PTPRT: variants seen among roughly 807,000 people sequenced by gnomAD.
The protein encoded by PTPRT is receptor-type tyrosine-protein phosphatase T.
A neutral mutation model predicts 176.8 loss-of-function variants in PTPRT; 56 were observed. The ratio of observed to expected loss-of-function variants is 0.32; its 90% CI spans 0.26 to 0.40. The LOEUF is 0.40. Ranked by LOEUF, PTPRT falls within the 10% of genes least tolerant of loss-of-function variation. PTPRT has a pLI of 1.00. For missense variants in PTPRT, 1,540 were observed against 1,908.2 expected, an observed-to-expected ratio of 0.81 and a Z score of 3.60; for synonymous variants, 783 against 739.0, an observed-to-expected ratio of 1.06 and a Z score of -0.96.
intron 9 of PTPRT, among the ~76,000 whole-genome samples, chr20:42,400,022 C>G (rs1455059636): frequency 2.0e-5 from 3 of 152,172 alleles, no homozygotes; most frequent in Non-Finnish European, 4.4e-5. Context: ...GAAAACACAG[C>G]CTGGTCCACT....
At chr20:42,869,712 T>C (rs2078811629) in intron 2 of PTPRT, among the ~76,000 whole-genome samples, 1 of 152,190 alleles carries the variant, frequency 6.6e-6, no homozygotes, top group Admixed American at 6.5e-5. Flanking sequence ...GCTATTGAGA[T>C]GGAATGAATG....
At position 43,026,140 on chromosome 20, in the gene PTPRT, C is replaced by T. The variant is rs183292060; in HGVS notation, c.89-140208G>A. On this transcript the variant is annotated intron_variant, in intron 1 of 30. Coordinates refer to ENST00000373187, the MANE Select transcript of PTPRT (RefSeq NM_007050.6). Reference sequence around the variant, plus strand: ...GTTTTGTTTTGTTTTTTCTCTGAGACGGAGTCTTACTCTGTCACCCAGGCT... The same window carrying T: ...GTTTTGTTTTGTTTTTTCTCTGAGATGGAGTCTTACTCTGTCACCCAGGCT... Among the ~76,000 whole-genome samples, 218 of 152,142 alleles carry T rather than the reference C, an allele frequency of 1.4e-3. 4 individuals carry two copies. Among genetic ancestry groups the T allele is most frequent in the Middle Eastern group, 0.01 (3 of 294 alleles).
At chr20:42,646,878 C>G (rs868043596) in intron 7 of PTPRT, among the ~76,000 whole-genome samples, 1 of 122,016 alleles carries the variant, frequency 8.2e-6, no homozygotes, top group Non-Finnish European at 1.5e-5. Flanking sequence ...CAACCTAAGA[C>G]AGCCTTTTTT....
chr20:42,539,552 G>T (rs1258607711), intron 7 of PTPRT, among the ~76,000 whole-genome samples: 2 of 151,014 alleles, frequency 1.3e-5, no homozygotes, highest in Non-Finnish European at 2.9e-5. Context: ...ATCAGACACA[G>T]ATACCTGGAG....
intron 16 of PTPRT, among the ~76,000 whole-genome samples, chr20:42,186,552 G>T (rs1277616032): frequency 6.6e-6 from 1 of 151,994 alleles, no homozygotes; most frequent in Non-Finnish European, 1.5e-5. Context: ...AGAGAAAGGG[G>T]AAGTGAGATG....
At position 42,794,746 on chromosome 20, in the gene PTPRT, C is replaced by T. The variant is rs142060641; in HGVS notation, c.215-3280G>A. On this transcript the variant is annotated intron_variant, in intron 2 of 30. Transcript: ENST00000373187. ...CTACTAAGCAAAGTTGCAAGACAGG[C>T]TACCTAAGGATATCATTAAGAGCAG... Among the ~76,000 whole-genome samples, 12 of 152,156 alleles carry T rather than the reference C, an allele frequency of 7.9e-5. No homozygotes were observed. The East Asian group carries it at 2.3e-3, about 29-fold the overall frequency.
chr20:42,650,998 A>T (rs755932526), intron 7 of PTPRT, among the ~76,000 whole-genome samples: 15 of 151,952 alleles, frequency 9.9e-5, no homozygotes, highest in Non-Finnish European at 1.9e-4. Context: ...AATAAACTAA[A>T]GGCTACTTTA....
At chr20:42,098,217 G>T (rs1052433525) in intron 27 of PTPRT, among the ~76,000 whole-genome samples, 24 of 150,940 alleles carry the variant, frequency 1.6e-4, no homozygotes, top group Non-Finnish European at 3.1e-4. Flanking sequence ...ATAGGCAGGG[G>T]GAGTCTTTGC....
At chr20:43,117,684 T>C (rs2013110061) in intron 1 of PTPRT, among the ~76,000 whole-genome samples, 2 of 152,174 alleles carry the variant, frequency 1.3e-5, no homozygotes, top group Non-Finnish European at 2.9e-5. Context: ...AAGTGCACTG[T>C]AGCGGCAAGA....
chr20:42,196,968 G>C (rs963878597), intron 16 of PTPRT, among the ~76,000 whole-genome samples: 1 of 152,134 alleles, frequency 6.6e-6, no homozygotes, highest in Non-Finnish European at 1.5e-5. Flanking sequence ...AGGGAAGTAC[G>C]TCATATCAGC....
chr20:42,619,966 T>G (rs1409473483), intron 7 of PTPRT, among the ~76,000 whole-genome samples: 1 of 149,016 alleles, frequency 6.7e-6, no homozygotes, highest in African/African-American at 2.6e-5. Context: ...GCATCCAGCT[T>G]TGTTCCGTTG....
At chr20:42,136,477 A>G (rs1988384883) in intron 18 of PTPRT, among the ~76,000 whole-genome samples, 3 of 152,138 alleles carry the variant, frequency 2.0e-5, no homozygotes, top group African/African-American at 7.2e-5. Context: ...GGCATGATGC[A>G]GAGACAGCCC....
intron 9 of PTPRT, among the ~76,000 whole-genome samples, chr20:42,398,526 G>T (rs1202423964): frequency 3.3e-5 from 5 of 152,098 alleles, no homozygotes; most frequent in African/African-American, 1.2e-4. Context: ...AATGATGAGT[G>T]TATTATTTCA....
At chr20:42,634,039 TATTATATA>T (rs2074521736) in intron 7 of PTPRT, among the ~76,000 whole-genome samples, 1 of 29,866 alleles carries the variant, frequency 3.3e-5, no homozygotes, top group African/African-American at 1.8e-4. Context: ...ATATTATATA[TATTATATA>T]TATATTATAA....
chr20:42,345,159 C>A (rs2058169393), intron 11 of PTPRT, among the ~76,000 whole-genome samples: 1 of 152,030 alleles, frequency 6.6e-6, no homozygotes, highest in Non-Finnish European at 1.5e-5. Flanking sequence ...TCAGTAGCCA[C>A]ATATGGCTCC....
At chr20:42,968,086 G>T (rs771580809) in intron 1 of PTPRT, among the ~76,000 whole-genome samples, 3 of 152,150 alleles carry the variant, frequency 2.0e-5, no homozygotes, top group African/African-American at 4.8e-5. Flanking sequence ...GCTGTCACAG[G>T]CTATTCCTTT....
chr20:43,081,809 T>C (rs1341030745), intron 1 of PTPRT, among the ~76,000 whole-genome samples: 1 of 152,196 alleles, frequency 6.6e-6, no homozygotes, highest in African/African-American at 2.4e-5. Context: ...CAAATCCTTC[T>C]TTGTCTTTTT....
chr20:43,010,366 C>T (rs1415000922), intron 1 of PTPRT, among the ~76,000 whole-genome samples: 5 of 152,110 alleles, frequency 3.3e-5, no homozygotes, highest in Non-Finnish European at 7.3e-5. Flanking sequence ...CTTCCTCACA[C>T]TCACCTTGCT....
At chr20:42,866,644 A>G (rs896764949) in intron 2 of PTPRT, among the ~76,000 whole-genome samples, 3 of 152,112 alleles carry the variant, frequency 2.0e-5, no homozygotes, top group Admixed American at 6.6e-5. Context: ...CCTCACTCTT[A>G]TCATGCAACA....
Sources: gnomAD v4.1 joint callset for allele counts (sites outside exome capture counted in the v4.1 genomes callset) on GRCh38, gnomAD v4.1.1 for gene constraint, MANE v1.5 for transcripts, NCBI Gene and HGNC (gene_info 2026-07-23, HGNC 2026-07-21) for gene names.